MCMBP: variants seen among roughly 807,000 people sequenced by gnomAD.
MCMBP encodes mini-chromosome maintenance complex-binding protein.
In MCMBP, 31 loss-of-function variants were observed where a neutral mutation model predicts 81.3. The ratio of observed to expected loss-of-function variants is 0.38; its 90% CI spans 0.29 to 0.51. The LOEUF is 0.51. Among genes scored for constraint, MCMBP ranks in the 20% least tolerant of loss-of-function variants. The pLI is 0.87. For synonymous variants in MCMBP, 267 were observed against 275.9 expected (o/e 0.97, Z 0.32); for missense variants, 645 against 772.1 (o/e 0.84, Z 1.95).
chr10:119,836,755 C>G (rs1473360585), intron 13 of MCMBP, 141 bp downstream of exon 13: 1 of 618,882 alleles, frequency 1.6e-6, no homozygotes, highest in Non-Finnish European at 2.5e-6. Flanking sequence ...TCAGCAGTCA[C>G]AGTTTTTTTT....
chr10:119,851,323 T>A (rs1852818412), intron 6 of MCMBP, among the ~76,000 whole-genome samples: 1 of 152,210 alleles, frequency 6.6e-6, no homozygotes, highest in Admixed American at 6.5e-5. Context: ...CATTAAGACA[T>A]TCAAACAAGA....
At chr10:119,836,524 A>AG (rs71301583) in intron 13 of MCMBP, among the ~76,000 whole-genome samples, 8,398 of 152,332 alleles carry the variant, frequency 0.055, 422 homozygotes, top group South Asian at 0.27. Flanking sequence ...ACATTTTAAA[A>AG]GAACTCTGAA....
At position 119,831,156 on chromosome 10, in the gene MCMBP, A is replaced by ATGAC. The variant is rs1016639594; in HGVS notation, c.*314_*317dup. On this transcript the variant is annotated 3_prime_UTR_variant, in exon 16 of 16. Coordinates refer to ENST00000369077, the MANE Select transcript of MCMBP (RefSeq NM_001256378.2). ...TTTCAGCATTTCAACAGTCTGGCCT[A>ATGAC]TGACTCAGCTGAAGCTAAGGAAATG... is the stretch of plus-strand genomic sequence containing the variant. 3 of 174,142 alleles carry ATGAC rather than the reference A, an allele frequency of 1.7e-5. No individual in the cohort carries two copies. The highest frequency in any genetic ancestry group is 7.2e-5 in the African/African-American group (3 of 41,664). The allele number at this position is 174,142 out of a possible 1,614,324, so 10.8% of individuals were successfully genotyped here.
chr10:119,836,223 A>G (rs1320800791), intron 13 of MCMBP, among the ~76,000 whole-genome samples: 1 of 152,198 alleles, frequency 6.6e-6, no homozygotes, highest in Non-Finnish European at 1.5e-5. Context: ...TGTTTCCTCA[A>G]TGGTATCAGT....
intron 1 of MCMBP, among the ~76,000 whole-genome samples, chr10:119,862,048 T>A (rs552616085): frequency 3.9e-5 from 6 of 152,324 alleles, no homozygotes; most frequent in African/African-American, 1.4e-4. Flanking sequence ...GGCTCACACC[T>A]GTAATTCCAG....
chr10:119,858,004 G>A (rs1264341736), intron 4 of MCMBP: 3 of 152,250 alleles, frequency 2.0e-5, no homozygotes, highest in African/African-American at 7.2e-5. Flanking sequence ...CCTTACACAT[G>A]ATGAACTTCA....
rs1232218989 is a variant in MCMBP, at chr10:119,830,630, T to C, written c.*844A>G. The C allele has an allele frequency of 2.0e-5, 3 of 152,510 alleles. No individual in the cohort carries two copies. Among genetic ancestry groups the C allele is most frequent in the Non-Finnish European group, 4.4e-5 (3 of 68,040 alleles). The allele number at this position is 152,510 out of a possible 1,614,324, so 9.4% of individuals were successfully genotyped here. On this transcript the variant is annotated 3_prime_UTR_variant, in exon 16 of 16. Coordinates refer to ENST00000369077, the MANE Select transcript of MCMBP (RefSeq NM_001256378.2). ...CCTTATGCATGGTTCTCAAATGCAC[T>C]GGGATAGGAGAAAATAAAGACAATG...
At chr10:119,843,946 G>A (rs991504717) in intron 8 of MCMBP, among the ~76,000 whole-genome samples, 6 of 152,024 alleles carry the variant, frequency 3.9e-5, no homozygotes, top group Admixed American at 2.0e-4. Flanking sequence ...ACAGGCGTGA[G>A]CCACCATGCC....
At position 119,830,028 on chromosome 10, in the gene MCMBP, T is replaced by C. The variant is rs946289435; in HGVS notation, c.*1446A>G. ...TTTAAGGAAGGTCTAGTCTACCAGTTATAAAAATGAAAACCAGTTCAACTC... is the reference window on the plus strand; with the variant it reads ...TTTAAGGAAGGTCTAGTCTACCAGTCATAAAAATGAAAACCAGTTCAACTC... On this transcript the variant is annotated 3_prime_UTR_variant, in exon 16 of 16. Coordinates refer to ENST00000369077, the MANE Select transcript of MCMBP (RefSeq NM_001256378.2). 1 of 152,674 alleles carries C rather than the reference T, an allele frequency of 6.5e-6. No homozygotes were observed. The highest frequency in any genetic ancestry group is 2.4e-5 in the African/African-American group (1 of 41,470). 9.5% of individuals were successfully genotyped at this position (152,674 alleles called of 1,614,324 possible).
Position 119,840,895 on chromosome 10 carries a change from T to A in MCMBP, c.1190A>T (p.Asn397Ile). ...FTVNLSGCPR[N>I]STFTEHLYRI... is the part of the protein sequence containing the mutation. The stretch of plus-strand genomic sequence containing the variant: ...ATACAAGTGTTCTGTGAAGGTACTA[T>A]TCCGTGGGCAACCACTCAAGTTAAC... Residue 397 changes from asparagine (N) to isoleucine (I), a missense_variant, in exon 11 of 16, where the codon AAT becomes ATT. Coordinates refer to ENST00000369077, the MANE Select transcript of MCMBP (RefSeq NM_001256378.2). 6.2e-7 allele frequency: 1 copy of A among 1,611,410 alleles called. No individual in the cohort carries two copies. Among genetic ancestry groups the A allele is most frequent in the African/African-American group, 1.3e-5 (1 of 75,004 alleles).
chr10:119,837,618 G>A (rs1852290732), intron 12 of MCMBP, among the ~76,000 whole-genome samples: 2 of 152,064 alleles, frequency 1.3e-5, no homozygotes, highest in Non-Finnish European at 2.9e-5. Flanking sequence ...ACTTTACAAC[G>A]GGAGGTTAAA....
Position 119,858,869 on chromosome 10 carries a change from A to G in MCMBP, c.327+15T>C. ...TTCTTACTAAAAATGTTTCATATAT[A>G]TTAAAGATACATACCCCACACTCTG... On this transcript the variant is annotated intron_variant, in intron 4 of 15. Coordinates refer to ENST00000369077, the MANE Select transcript of MCMBP (RefSeq NM_001256378.2). 3.2e-6 allele frequency: 5 copies of G among 1,577,350 alleles called. No individual in the cohort carries two copies. Among genetic ancestry groups the G allele is most frequent in the Non-Finnish European group, 4.3e-6 (5 of 1,157,478 alleles).
chr10:119,836,188 A>G (rs1852235359), intron 13 of MCMBP, among the ~76,000 whole-genome samples: 1 of 152,246 alleles, frequency 6.6e-6, no homozygotes, highest in Non-Finnish European at 1.5e-5. Flanking sequence ...AGAAATAATT[A>G]TGAAAGCTTT....
intron 1 of MCMBP, among the ~76,000 whole-genome samples, chr10:119,867,811 G>C (rs542082574): frequency 6.6e-6 from 1 of 152,218 alleles, no homozygotes; most frequent in East Asian, 1.9e-4. Flanking sequence ...GGGTTTTATA[G>C]CCTTAATATA....
chr10:119,863,340 T>A (rs956738668), intron 1 of MCMBP, among the ~76,000 whole-genome samples: 4 of 152,174 alleles, frequency 2.6e-5, no homozygotes, highest in African/African-American at 9.7e-5. Flanking sequence ...GAGGTAAAGG[T>A]TGAGGATTTT....
chr10:119,855,615 G>A (rs1482814651), intron 5 of MCMBP, among the ~76,000 whole-genome samples: 1 of 152,014 alleles, frequency 6.6e-6, no homozygotes, highest in African/African-American at 2.4e-5. Context: ...AGGTTGCAGT[G>A]AGCCGAGATT....
chr10:119,857,637 T>C (rs181014064), intron 4 of MCMBP, 198 bp from the exon 5 acceptor site: 98 of 412,748 alleles, frequency 2.4e-4, no homozygotes, highest in African/African-American at 1.9e-3. Flanking sequence ...CATCAAACAC[T>C]TCCTCCCTCA....
rs1366577809 is a variant in MCMBP at position 119,830,737 on chromosome 10, T to G, written c.*737A>C. On this transcript the variant is annotated 3_prime_UTR_variant, in exon 16 of 16. Transcript: ENST00000369077. ...CTCTTATTCAGAGATAGATTGTCCT[T>G]TCCTTTTATGAAAAAAATGGTGATA... 2 of 121,476 alleles carry G rather than the reference T, an allele frequency of 1.6e-5. No homozygotes were observed. Among genetic ancestry groups the G allele is most frequent in the African/African-American group, 3.1e-5 (1 of 32,058 alleles). 7.5% of individuals were successfully genotyped at this position (121,476 alleles called of 1,614,324 possible). A position where few individuals can be genotyped will look rare whatever the true frequency, so the allele number is the denominator to read the frequency against.
chr10:119,843,054 T>C (rs1448952739), intron 9 of MCMBP, 200 bp downstream of exon 9: 1 of 586,874 alleles, frequency 1.7e-6, no homozygotes, highest in East Asian at 3.7e-5. Flanking sequence ...CACCCAGCCT[T>C]GTATACTCTT....
Sources: allele counts gnomAD v4.1 joint callset (sites outside exome capture counted in the v4.1 genomes callset), GRCh38; gene constraint gnomAD v4.1.1; transcripts MANE v1.5; gene names NCBI Gene and HGNC (gene_info 2026-07-23, HGNC 2026-07-21).